The following ZNF668 variants were observed in gnomAD, a reference collection of about 807,000 sequenced individuals.
ZNF668 encodes zinc finger protein 668.
Under a neutral mutation model 40.3 loss-of-function variants are expected in ZNF668, and 10 were observed. That is an observed-to-expected ratio of 0.25 (90% CI 0.15 to 0.42). The LOEUF (loss-of-function observed/expected upper bound fraction) is 0.42, where lower values mean the gene tolerates loss of function less well. Ranked by LOEUF, ZNF668 falls within the 10% of genes least tolerant of loss-of-function variation. ZNF668 has a pLI of 1.00. For missense variants in ZNF668, 749 were observed against 904.6 expected (o/e 0.83, Z 2.21); for synonymous variants, 428 against 384.6 (o/e 1.11, Z -1.32).
Position 31,064,025 on chromosome 16 carries a change from G to A in ZNF668, c.435C>T (p.Cys145=). Residue 145 remains cysteine, a synonymous_variant, in exon 2 of 3, where the codon TGC becomes TGT. Transcript: ENST00000300849. The part of the protein sequence containing the change: ...AGELPFRCAH[C]PKAYGALSKL... The stretch of plus-strand genomic sequence containing the variant: ...TGGAGAGCGCGCCATAGGCCTTCGG[G>A]CAGTGCGCACAGCGGAAGGGCAGTT... 6.2e-7 allele frequency: 1 copy of A among 1,606,112 alleles called. No individual in the cohort carries two copies. Among genetic ancestry groups the A allele is most frequent in the Non-Finnish European group, 8.5e-7 (1 of 1,174,734 alleles).
intron 1 of ZNF668, 114 bp from the exon 2 acceptor site, chr16:31,064,595 GC>G (rs955188477): frequency 4.5e-6 from 7 of 1,548,136 alleles, no homozygotes; most frequent in Middle Eastern, 3.3e-4. Flanking sequence ...CATCCTTCCT[GC>G]CCAGCATTCC....
chr16:31,070,981 C>A (rs533660534), intron 1 of ZNF668, among the ~76,000 whole-genome samples: 1 of 152,108 alleles, frequency 6.6e-6, no homozygotes, highest in African/African-American at 2.4e-5. Flanking sequence ...TCTGCCTCAG[C>A]CTCCCAAGTA....
At position 31,064,431 on chromosome 16, in the gene ZNF668, G is replaced by A. The variant is rs1156620738; in HGVS notation, c.29C>T (p.Ser10Phe). ...CGAGCGCTTGTAGCCGGGGGCTGGG[G>A]ACCGGGCCTCTGCAGCCTCCACTTC... MEVEAAEAR[S>F]PAPGYKRSGR... is the part of the protein sequence containing the mutation. Residue 10 changes from serine to phenylalanine, a missense_variant, in exon 2 of 3, where the codon TCC (serine) becomes TTC (phenylalanine). Physicochemically the swap from Ser to Phe is radical, Grantham distance 155. Transcript: ENST00000300849. 1 of 1,612,110 alleles carries A rather than the reference G, an allele frequency of 6.2e-7. No individual in the cohort carries two copies. The highest frequency in any genetic ancestry group is 8.5e-7 in the Non-Finnish European group (1 of 1,179,902).
At chr16:31,064,740 C>G in intron 1 of ZNF668, 1 of 1,522,162 alleles carries the variant, frequency 6.6e-7, no homozygotes, top group Middle Eastern at 2.0e-4. Context: ...CCCCCCCGCC[C>G]CCAACGGGCT....
Position 31,064,186 on chromosome 16 carries a change from C to T in ZNF668, c.274G>A (p.Ala92Thr). The T allele has an allele frequency of 1.2e-6, 2 of 1,612,032 alleles. No individual in the cohort carries two copies. The highest frequency in any genetic ancestry group is 1.7e-6 in the Non-Finnish European group (2 of 1,179,970). Reference protein sequence around the residue: ...RPYACPLCPKAYKTAPELRSH... With the variant: ...RPYACPLCPKTYKTAPELRSH... The stretch of plus-strand genomic sequence containing the variant: ...CGCAGCTCGGGTGCCGTCTTGTAGG[C>T]CTTGGGGCATAGCGGACACGCATAG... Residue 92 changes from alanine to threonine, a missense_variant, in exon 2 of 3, where the codon GCC (alanine) becomes ACC (threonine). Physicochemically the swap from Ala to Thr is moderately conservative, Grantham distance 58. Transcript: ENST00000300849.
At chr16:31,068,390 T>A (rs1327057263) in intron 1 of ZNF668, among the ~76,000 whole-genome samples, 1 of 149,398 alleles carries the variant, frequency 6.7e-6, no homozygotes, top group Admixed American at 6.7e-5. Flanking sequence ...ACCTGGCTAG[T>A]TTTTTGTATT....
chr16:31,063,963 C>T lies in ZNF668; in HGVS notation c.497G>A (p.Arg166Gln), dbSNP rs970223291. ...KIHQRGHTGE[R>Q]PYACADCGKS... ...GCCGCAGTCGGCGCAGGCGTAAGGC[C>T]GCTCGCCTGTGTGGCCACGCTGGTG... The change falls in exon 2 of 3, where the codon CGG (arginine) becomes CAG (glutamine). Residue 166 changes from arginine to glutamine, a missense_variant. By Grantham distance (43) the Arg-to-Gln change is conservative. Transcript: ENST00000300849. 6.2e-7 allele frequency: 1 copy of T among 1,608,486 alleles called. No individual in the cohort carries two copies. Among genetic ancestry groups the T allele is most frequent in the Non-Finnish European group, 8.5e-7 (1 of 1,177,522 alleles).
intron 2 of ZNF668, among the ~76,000 whole-genome samples, chr16:31,063,528 C>A (rs1282710167): frequency 6.6e-6 from 1 of 152,142 alleles, no homozygotes; most frequent in Non-Finnish European, 1.5e-5. Context: ...CCACAAAAGA[C>A]CCTCAGAACT....
intron 1 of ZNF668, among the ~76,000 whole-genome samples, chr16:31,070,081 G>A (rs556653456): frequency 6.1e-5 from 9 of 148,288 alleles, no homozygotes; most frequent in East Asian, 2.0e-4. Flanking sequence ...GCCCAATCCC[G>A]GCTAATTTTT....
chr16:31,064,597 C>T, intron 1 of ZNF668, 116 bp from the exon 2 acceptor site: 1 of 1,547,064 alleles, frequency 6.5e-7, no homozygotes, highest in African/African-American at 1.4e-5. Context: ...TCCTTCCTGC[C>T]CAGCATTCCT....
intron 2 of ZNF668, 133 bp downstream of exon 2, chr16:31,063,680 C>T: frequency 9.5e-7 from 1 of 1,055,202 alleles, no homozygotes; most frequent in Non-Finnish European, 1.3e-6. Context: ...ATGCCTAGCC[C>T]CTCCCCTTGG....
intron 1 of ZNF668, chr16:31,072,670 C>T (rs1348679667): frequency 6.6e-6 from 1 of 152,310 alleles, no homozygotes; most frequent in African/African-American, 2.4e-5. Context: ...CGGATGAACC[C>T]TGCAGAAGTG....
chr16:31,072,787 C>G (rs2057025224), intron 1 of ZNF668: 1 of 152,406 alleles, frequency 6.6e-6, no homozygotes, highest in Admixed American at 6.5e-5. Context: ...CGGCAGCGAC[C>G]GAACCTCCAG....
At chr16:31,072,727 G>C (rs1458978639) in intron 1 of ZNF668, 1 of 152,378 alleles carries the variant, frequency 6.6e-6, no homozygotes, top group Admixed American at 6.5e-5. Flanking sequence ...TTCACAACCT[G>C]ATCCCAACCT....
rs896422020 is a variant in ZNF668 at position 31,064,690 on chromosome 16, G to A, written c.-22-209C>T. The A allele has an allele frequency of 5.2e-6, 8 of 1,535,754 alleles. No individual in the cohort carries two copies. In the African/African-American group the frequency reaches 1.1e-4, roughly 21 times the overall value. ...GACCAAGTGTCCGCAGAGCCACTAA[G>A]AAAGGAGGCTGAGGGTCACAAAAGA... On this transcript the variant is annotated intron_variant, in intron 1 of 2. Coordinates refer to ENST00000300849, the MANE Select transcript of ZNF668 (RefSeq NM_024706.5).
At position 31,064,797 on chromosome 16, in the gene ZNF668, C is replaced by T. The variant is rs2056969597; in HGVS notation, c.-22-316G>A. ...CCAGAGGCCCAGGTTCCATCTGTCT[C>T]ACCATCTTCCTTCTTCAGCTCAGTG... On this transcript the variant is annotated intron_variant, in intron 1 of 2. Coordinates refer to ENST00000300849, the MANE Select transcript of ZNF668 (RefSeq NM_024706.5). The T allele has an allele frequency of 3.4e-6, 5 of 1,469,612 alleles. No homozygotes were observed. In the Admixed American group the frequency reaches 9.6e-5, roughly 28 times the overall value. The allele number at this position is 1,469,612 out of a possible 1,614,324, so 91.0% of individuals were successfully genotyped here. A position where few individuals can be genotyped will look rare whatever the true frequency, so the allele number is the denominator to read the frequency against.
At chr16:31,063,790 C>T in intron 2 of ZNF668, 23 bp downstream of exon 2, 1 of 1,528,562 alleles carries the variant, frequency 6.5e-7, no homozygotes, top group Non-Finnish European at 8.8e-7. Context: ...CGGAAGGCGC[C>T]CTGCCCCGGA....
chr16:31,061,109 G>A lies in ZNF668; in HGVS notation c.1819C>T (p.Leu607=). ...PMGTPTPLEP[L]VALLGMPEEG... ...TCAGGCATTCCTAGCAAAGCCACCA[G>A]GGGCTCCAGGGGTGTGGGGGTCCCC... The change falls in exon 3 of 3, where the codon CTG becomes TTG. Residue 607 remains leucine (L), a synonymous_variant. Coordinates refer to ENST00000300849, the MANE Select transcript of ZNF668 (RefSeq NM_024706.5). This position sits in a 1 kb window ranked among gnomAD's most constrained non-coding sequence, Gnocchi z 7.7. 6.7e-7 allele frequency: 1 copy of A among 1,503,570 alleles called. No individual in the cohort carries two copies. The highest frequency in any genetic ancestry group is 2.4e-5 in the East Asian group (1 of 42,218). 93.1% of individuals were successfully genotyped at this position (1,503,570 alleles called of 1,614,324 possible). A position where few individuals can be genotyped will look rare whatever the true frequency, so the allele number is the denominator to read the frequency against.
chr16:31,061,446 A>G lies in ZNF668; in HGVS notation c.1482T>C (p.Ala494=), dbSNP rs776628449. 2.5e-6 allele frequency: 4 copies of G among 1,613,674 alleles called. No homozygotes were observed. The highest frequency in any genetic ancestry group is 3.4e-6 in the Non-Finnish European group (4 of 1,179,960). Residue 494 remains alanine, a synonymous_variant, in exon 3 of 3, where the codon GCT becomes GCC. Coordinates refer to ENST00000300849, the MANE Select transcript of ZNF668 (RefSeq NM_024706.5). This position sits in a 1 kb window ranked among gnomAD's most constrained non-coding sequence, Gnocchi z 7.7. ...CGCCTGCCCCTTCCAAGGGACCAGG[A>G]GCCTCCCGGACACCAGCATCTTGGC... ...VECQDAGVRE[A]PGPLEGAGEA...
Sources: allele counts gnomAD v4.1 joint callset (sites outside exome capture counted in the v4.1 genomes callset), GRCh38; gene constraint gnomAD v4.1.1; non-coding constraint Gnocchi (gnomAD v3.1); transcripts MANE v1.5; gene names NCBI Gene and HGNC (gene_info 2026-07-23, HGNC 2026-07-21).